The following LRRC37A variants were observed in gnomAD, a reference collection of about 807,000 sequenced individuals.
LRRC37A encodes leucine rich repeat containing 37A, also known as leucine-rich repeat-containing protein 37A.
In LRRC37A, 3 loss-of-function variants were observed where a neutral mutation model predicts 35.4. The ratio of observed to expected loss-of-function variants is 0.08; its 90% CI spans 0.04 to 0.22. The LOEUF (loss-of-function observed/expected upper bound fraction) is 0.22, where lower values mean the gene tolerates loss of function less well. Ranked by LOEUF, LRRC37A falls within the 10% of genes least tolerant of loss-of-function variation. The probability of loss-of-function intolerance (pLI) is 1.00; values close to 1 mark genes in which losing one functional copy is unlikely to be tolerated. For synonymous variants in LRRC37A, 23 were observed against 215.0 expected (o/e 0.11, Z 7.81); for missense variants, 67 against 565.3 (o/e 0.12, Z 8.94).
the LRRC37A span, among the ~76,000 whole-genome samples, chr17:46,252,486 A>G: frequency 6.7e-6 from 1 of 148,166 alleles, no homozygotes; most frequent in Non-Finnish European, 1.5e-5. Context: ...CAAGTGAACA[A>G]AGGTCTCTGG....
At chr17:46,261,054 C>A in the LRRC37A span, among the ~76,000 whole-genome samples, 1 of 151,992 alleles carries the variant, frequency 6.6e-6, no homozygotes, top group Admixed American at 6.6e-5. Flanking sequence ...TTTGGGGAAT[C>A]AGGGGGAAAG....
chr17:46,260,595 C>CT, the LRRC37A span: 1 of 1,518,108 alleles, frequency 6.6e-7, no homozygotes, highest in South Asian at 1.1e-5. Context: ...CACAATCCCG[C>CT]TTGGACTGCA....
intron 10 of LRRC37A, chr17:46,334,766 C>T (rs2052210529): frequency 9.0e-6 from 1 of 111,716 alleles, no homozygotes; most frequent in Non-Finnish European, 1.9e-5. Flanking sequence ...CAGCTGCATG[C>T]AAGACCCTAA....
chr17:46,282,405 A>G, the LRRC37A span, among the ~76,000 whole-genome samples: 1 of 145,368 alleles, frequency 6.9e-6, no homozygotes, highest in Non-Finnish European at 1.5e-5. Flanking sequence ...ACCTGGCCTC[A>G]GTTTTTTGTT....
chr17:46,253,615 G>A, the LRRC37A span, among the ~76,000 whole-genome samples: 10 of 152,300 alleles, frequency 6.6e-5, 1 homozygote, highest in Middle Eastern at 3.4e-3. Flanking sequence ...CAGGCGTGGC[G>A]GCGCGTGCCT....
chr17:46,256,041 G>C, the LRRC37A span, among the ~76,000 whole-genome samples: 1 of 152,114 alleles, frequency 6.6e-6, no homozygotes, highest in Non-Finnish European at 1.5e-5. Context: ...TGGGGCCTTT[G>C]GGACGTAATT....
chr17:46,277,125 A>C, the LRRC37A span, among the ~76,000 whole-genome samples: 1 of 152,344 alleles, frequency 6.6e-6, no homozygotes, highest in African/African-American at 2.4e-5. Flanking sequence ...ATTTAAGCAG[A>C]ATTGAGCAAA....
At chr17:46,253,512 C>G in the LRRC37A span, among the ~76,000 whole-genome samples, 2 of 152,302 alleles carry the variant, frequency 1.3e-5, no homozygotes, top group Non-Finnish European at 2.9e-5. Context: ...CTCGGGAGGC[C>G]GAGGCTGGCG....
At chr17:46,251,405 T>G in the LRRC37A span, among the ~76,000 whole-genome samples, 4 of 152,106 alleles carry the variant, frequency 2.6e-5, no homozygotes, top group African/African-American at 9.7e-5. Context: ...ATTATGGGCA[T>G]GCACCATCAC....
intron 10 of LRRC37A, among the ~76,000 whole-genome samples, chr17:46,334,421 TTTTCCTTTCC>T (rs1379821699): frequency 4.6e-4 from 1 of 2,166 alleles, no homozygotes; most frequent in South Asian, 3.2e-3. Flanking sequence ...CCCTTTTCCT[TTTTCCTTTCC>T]TTTCCTTTCC....
At chr17:46,282,210 C>A in the LRRC37A span, among the ~76,000 whole-genome samples, 5 of 116,908 alleles carry the variant, frequency 4.3e-5, no homozygotes, top group Non-Finnish European at 1.1e-4. Flanking sequence ...TCATGCCATT[C>A]TCCTGCCTCA....
chr17:46,265,609 G>A, the LRRC37A span, among the ~76,000 whole-genome samples: 2 of 17,468 alleles, frequency 1.1e-4, no homozygotes, highest in Non-Finnish European at 7.8e-3. Context: ...TTCCCATGTG[G>A]CTGGGACCAA....
At chr17:46,278,266 C>T in the LRRC37A span, among the ~76,000 whole-genome samples, 1 of 152,152 alleles carries the variant, frequency 6.6e-6, no homozygotes, top group Admixed American at 6.6e-5. Flanking sequence ...TCTTATACTG[C>T]TCTTTCTTGT....
At chr17:46,265,246 T>C in the LRRC37A span, among the ~76,000 whole-genome samples, 3 of 138,924 alleles carry the variant, frequency 2.2e-5, no homozygotes, top group African/African-American at 8.3e-5. Flanking sequence ...ACAAATTTCC[T>C]TTCTTCTTCT....
the LRRC37A span, among the ~76,000 whole-genome samples, chr17:46,281,538 TC>T: frequency 6.6e-6 from 1 of 152,338 alleles, no homozygotes. Context: ...CAAGTGATCT[TC>T]CTGTCATAGC....
At chr17:46,279,500 C>CT in the LRRC37A span, among the ~76,000 whole-genome samples, 46,120 of 121,672 alleles carry the variant, frequency 0.38, 9,416 homozygotes, top group South Asian at 0.64. Context: ...TTCTTTCTTT[C>CT]TTTTTTTTTT....
At chr17:46,268,515 A>G in the LRRC37A span, 1 of 1,418,994 alleles carries the variant, frequency 7.0e-7, no homozygotes, top group Non-Finnish European at 9.2e-7. Flanking sequence ...CAGCAGGTAT[A>G]TTGTGATGGG....
the LRRC37A span, among the ~76,000 whole-genome samples, chr17:46,265,246 TTTCTTC>T: frequency 0.077 from 10,625 of 138,418 alleles, 456 homozygotes; most frequent in African/African-American, 0.084. Context: ...ACAAATTTCC[TTTCTTC>T]TTCTTCTTCT....
At chr17:46,263,196 G>C in the LRRC37A span, among the ~76,000 whole-genome samples, 1 of 152,208 alleles carries the variant, frequency 6.6e-6, no homozygotes, top group African/African-American at 2.4e-5. Context: ...TCCAGCCTAA[G>C]CAACAGTGAG....
Sources: allele counts gnomAD v4.1 joint callset (sites outside exome capture counted in the v4.1 genomes callset), GRCh38; gene constraint gnomAD v4.1.1; transcripts MANE v1.5; gene names NCBI Gene and HGNC (gene_info 2026-07-23, HGNC 2026-07-21).